Variants in ADGRA3 observed in about 807,000 individuals in gnomAD.
ADGRA3 encodes the protein G-protein coupled receptor 125.
A neutral mutation model predicts 119.8 loss-of-function variants in ADGRA3; 56 were observed. The ratio of observed to expected loss-of-function variants is 0.47; its 90% CI spans 0.38 to 0.58. ADGRA3 has a LOEUF of 0.58. ADGRA3 is among the 20% of genes least tolerant of loss of function. ADGRA3 has a pLI of 0.00. For synonymous variants in ADGRA3, 607 were observed against 623.8 expected (o/e 0.97, Z 0.40); for missense variants, 1,516 against 1,649.0 (o/e 0.92, Z 1.40).
At chr4:22,479,682 G>A (rs7658949) in intron 1 of ADGRA3, among the ~76,000 whole-genome samples, 149,787 of 152,292 alleles carry the variant, frequency 0.98, 73,703 homozygotes, top group Middle Eastern at 1. Context: ...TTCTACTATA[G>A]AGACACATGC....
At chr4:22,473,536 G>C (rs1460621580) in intron 2 of ADGRA3, among the ~76,000 whole-genome samples, 2 of 152,150 alleles carry the variant, frequency 1.3e-5, no homozygotes, top group Admixed American at 6.5e-5. Flanking sequence ...CAACGGCAGA[G>C]GTGAGTCACT....
In ADGRA3 at chr4:22,468,191, T is replaced by C. The variant is rs150663964; in HGVS notation, c.329+5581A>G. Among the ~76,000 whole-genome samples the C allele has an allele frequency of 2.7e-3, 414 of 152,318 alleles. 2 individuals carry two copies. The highest frequency in any genetic ancestry group is 9.6e-3 in the African/African-American group (401 of 41,568). On this transcript the variant is annotated intron_variant, in intron 2 of 18. Transcript: ENST00000334304. The stretch of plus-strand genomic sequence containing the variant: ...AAGTCATAAAAAGGAACAGACTTTC[T>C]TCTCGTACCTCTCCTTAAAAGCTAG...
chr4:22,413,554 G>C, intron 13 of ADGRA3, 47 bp downstream of exon 13: 1 of 1,521,184 alleles, frequency 6.6e-7, no homozygotes, highest in Non-Finnish European at 9.1e-7. Flanking sequence ...TCAACTACAA[G>C]GCCTTATTGT....
rs1713900991 is a variant in ADGRA3 at position 22,387,775 on chromosome 4, C to T, written c.3896G>A (p.Gly1299Glu). ...AGTGCTATCGGTACCGAGCAAGGGT[C>T]CCTCCTGCCCATTGCTTTTAATTGG... ...NGPIKSNGQEGPLLGTDSTGN... is the reference protein window; with the variant it reads ...NGPIKSNGQEEPLLGTDSTGN... Residue 1299 changes from glycine to glutamate, a missense_variant, in exon 19 of 19, where the codon GGA (glycine) becomes GAA (glutamate). Coordinates refer to ENST00000334304, the MANE Select transcript of ADGRA3 (RefSeq NM_145290.4). The T allele has an allele frequency of 2.5e-6, 4 of 1,614,012 alleles. No individual in the cohort carries two copies. The highest frequency in any genetic ancestry group is 3.4e-6 in the Non-Finnish European group (4 of 1,180,004).
At chr4:22,427,687 G>A (rs989666639) in intron 10 of ADGRA3, among the ~76,000 whole-genome samples, 1 of 152,106 alleles carries the variant, frequency 6.6e-6, no homozygotes, top group Admixed American at 6.6e-5. Flanking sequence ...GGCAAAAAGT[G>A]ACACAAAAGG....
chr4:22,437,338 C>T (rs1716435879), intron 8 of ADGRA3, among the ~76,000 whole-genome samples: 1 of 152,060 alleles, frequency 6.6e-6, no homozygotes, highest in Admixed American at 6.6e-5. Context: ...GTTATTATTG[C>T]TTCTTTACTT....
At chr4:22,500,967 C>A (rs2109169377) in intron 1 of ADGRA3, among the ~76,000 whole-genome samples, 1 of 152,250 alleles carries the variant, frequency 6.6e-6, no homozygotes, top group Middle Eastern at 3.4e-3. Flanking sequence ...TCGTCTCCTG[C>A]CCCTAGACAT....
intron 1 of ADGRA3, among the ~76,000 whole-genome samples, chr4:22,510,293 G>A (rs1719406359): frequency 6.6e-6 from 1 of 152,124 alleles, no homozygotes; most frequent in Non-Finnish European, 1.5e-5. Flanking sequence ...TGCTCACGGA[G>A]GGCACCAGAC....
chr4:22,435,442 C>G lies in ADGRA3; in HGVS notation c.1312G>C (p.Val438Leu). Reference sequence around the variant, plus strand: ...GCCAGTAACTGTCGAGCTGTTGCCACGGCATTGGTAAGATTGAGGGGCATC... The same window carrying G: ...GCCAGTAACTGTCGAGCTGTTGCCAGGGCATTGGTAAGATTGAGGGGCATC... ...NQMPLNLTNA[V>L]ATARQLLAYT... The change falls in exon 10 of 19, where the codon GTG becomes CTG. Residue 438 changes from valine to leucine, a missense_variant. Physicochemically the swap from Val to Leu is conservative, Grantham distance 32 (BLOSUM62 1). Around this residue, in one of 2 missense-constraint regions of ADGRA3, gnomAD observed 1,088 missense variants for 1,107.1 expected, o/e 0.98. Coordinates refer to ENST00000334304, the MANE Select transcript of ADGRA3 (RefSeq NM_145290.4). 2 of 1,603,546 alleles carry G rather than the reference C, an allele frequency of 1.2e-6. No homozygotes were observed. Among genetic ancestry groups the G allele is most frequent in the Non-Finnish European group, 1.7e-6 (2 of 1,172,276 alleles).
intron 2 of ADGRA3, among the ~76,000 whole-genome samples, chr4:22,472,127 T>A (rs1717877670): frequency 6.6e-6 from 1 of 152,176 alleles, no homozygotes; most frequent in Non-Finnish European, 1.5e-5. Context: ...ATCCTTCCTT[T>A]TGGAAAGGGA....
intron 2 of ADGRA3, among the ~76,000 whole-genome samples, chr4:22,469,632 C>T (rs1179006712): frequency 2.0e-5 from 3 of 152,172 alleles, no homozygotes; most frequent in Non-Finnish European, 2.9e-5. Context: ...CAACCTATCC[C>T]ACATTCAGTG....
chr4:22,434,937 G>A (rs1352663504), intron 10 of ADGRA3, among the ~76,000 whole-genome samples: 1 of 152,206 alleles, frequency 6.6e-6, no homozygotes, highest in African/African-American at 2.4e-5. Flanking sequence ...AGATCTGGGT[G>A]ACTAAAACTC....
At position 22,515,683 on chromosome 4, in the gene ADGRA3, G is replaced by T. The variant is rs1719638038; in HGVS notation, c.102C>A (p.Gly34=). 1.8e-6 allele frequency: 2 copies of T among 1,104,750 alleles called. No homozygotes were observed. The highest frequency in any genetic ancestry group is 5.2e-5 in the Admixed American group (1 of 19,130). 68.4% of individuals were successfully genotyped at this position (1,104,750 alleles called of 1,614,324 possible). The part of the protein sequence containing the change: ...LLALLGGGGG[G]GAAALPAGCK... ...AGCCGGCGGGCAGCGCCGCGGCGCC[G>T]CCGCCGCCGCCGCCTCCCAGCAGCG... is the stretch of plus-strand genomic sequence containing the variant. Residue 34 remains glycine, a synonymous_variant, in exon 1 of 19, where the codon GGC becomes GGA. Transcript: ENST00000334304.
chr4:22,481,238 T>C (rs990242236), intron 1 of ADGRA3, among the ~76,000 whole-genome samples: 4 of 152,120 alleles, frequency 2.6e-5, no homozygotes, highest in Non-Finnish European at 5.9e-5. Context: ...CTAACTTCAA[T>C]TGGTACACAT....
intron 1 of ADGRA3, among the ~76,000 whole-genome samples, chr4:22,504,014 C>G (rs1719147180): frequency 6.6e-6 from 1 of 152,094 alleles, no homozygotes; most frequent in African/African-American, 2.4e-5. Flanking sequence ...TATCACAGCC[C>G]TGTCTTCAGA....
intron 7 of ADGRA3, among the ~76,000 whole-genome samples, chr4:22,438,957 C>A (rs1168757371): frequency 1.3e-5 from 2 of 152,052 alleles, no homozygotes; most frequent in Non-Finnish European, 2.9e-5. Flanking sequence ...GCCAAGAGAG[C>A]ACCACTGCAC....
At chr4:22,513,544 CT>C (rs929116783) in intron 1 of ADGRA3, among the ~76,000 whole-genome samples, 41 of 150,082 alleles carry the variant, frequency 2.7e-4, no homozygotes, top group Non-Finnish European at 2.2e-4. Context: ...GGGAGTCTCA[CT>C]CTGTTACATA....
At chr4:22,393,028 CTTT>C (rs1162697142) in intron 16 of ADGRA3, 33 of 138,788 alleles carry the variant, frequency 2.4e-4, no homozygotes, top group East Asian at 1.0e-3. Context: ...AGTTCATTTT[CTTT>C]TTTTTTTTTT....
chr4:22,473,769 C>A lies in ADGRA3; in HGVS notation c.329+3G>T. 1 of 1,554,474 alleles carries A rather than the reference C, an allele frequency of 6.4e-7. No homozygotes were observed. Among genetic ancestry groups the A allele is most frequent in the South Asian group, 1.2e-5 (1 of 85,700 alleles). On this transcript the variant is annotated splice_donor_region_variant and intron_variant, in intron 2 of 18. Coordinates refer to ENST00000334304, the MANE Select transcript of ADGRA3 (RefSeq NM_145290.4). The stretch of plus-strand genomic sequence containing the variant: ...AATGAGATGATAATTAAAGAATACT[C>A]ACAATCTTTCAAGGAGACTTAACCC...
Sources: gnomAD v4.1 joint callset for allele counts (sites outside exome capture counted in the v4.1 genomes callset) on GRCh38, gnomAD v4.1.1 for gene constraint, gnomAD v4.1.1 regional missense constraint, MANE v1.5 for transcripts, NCBI Gene and HGNC (gene_info 2026-07-23, HGNC 2026-07-21) for gene names.